The following RBFOX1 variants were observed in gnomAD, a reference collection of about 807,000 sequenced individuals.
The protein encoded by RBFOX1 is RNA binding protein fox-1 homolog 1.
In RBFOX1, 8 loss-of-function variants were observed where a neutral mutation model predicts 57.7. The observed-to-expected ratio is 0.14, with a 90% CI of 0.08 to 0.25. The LOEUF (loss-of-function observed/expected upper bound fraction) is 0.25. Among genes scored for constraint, RBFOX1 ranks in the 10% least tolerant of loss-of-function variants. The pLI, the probability that RBFOX1 is intolerant of heterozygous loss-of-function variation, is 1.00. For missense variants in RBFOX1, 611 were observed against 548.5 expected (o/e 1.11, Z -1.14); for synonymous variants, 326 against 222.4 (o/e 1.47, Z -4.15).
intron 1 of RBFOX1, among the ~76,000 whole-genome samples, chr16:5,356,224 AGGAG>A (rs2065384650): frequency 6.6e-6 from 1 of 152,206 alleles, no homozygotes; most frequent in Non-Finnish European, 1.5e-5. Context: ...ACCAGGAGCC[AGGAG>A]GGAGGCATGG....
rs1338080780 is a variant in RBFOX1, at chr16:5,946,395, A to G, written c.351+79060A>G. Among the ~76,000 whole-genome samples, 1 of 152,166 alleles carries G rather than the reference A, an allele frequency of 6.6e-6. No individual in the cohort carries two copies. The highest frequency in any genetic ancestry group is 2.1e-4 in the South Asian group (1 of 4,824). The stretch of plus-strand genomic sequence containing the variant: ...TCGTTTGCTCATGGATGTTTATCAA[A>G]CACCAACCAAGTGCCGGATGCACTA... On this transcript the variant is annotated intron_variant, in intron 4 of 19. Transcript: ENST00000641259. This position sits in a 1 kb window ranked among gnomAD's most constrained non-coding sequence, Gnocchi z 4.6.
In RBFOX1 at chr16:7,662,813, C is replaced by T. The variant is rs117219434; in HGVS notation, c.891-2116C>T. Among the ~76,000 whole-genome samples the T allele has an allele frequency of 4.1e-3, 630 of 152,334 alleles. 4 individuals carry two copies. Among genetic ancestry groups the T allele is most frequent in the Non-Finnish European group, 7.2e-3 (488 of 68,038 alleles). On this transcript the variant is annotated intron_variant, in intron 12 of 15. Coordinates refer to ENST00000550418, the MANE Select transcript of RBFOX1 (RefSeq NM_018723.4). Reference sequence around the variant, plus strand: ...CAAGCATTATCTTACGAAACCCTTTCTTGAGGTAGGCACTTACCTATTTTC... The same window carrying T: ...CAAGCATTATCTTACGAAACCCTTTTTTGAGGTAGGCACTTACCTATTTTC...
At chr16:6,829,490 A>AC (rs924136986) in intron 3 of RBFOX1, among the ~76,000 whole-genome samples, 163 of 151,334 alleles carry the variant, frequency 1.1e-3, no homozygotes, top group African/African-American at 3.7e-3. Flanking sequence ...TTAAAAAAAA[A>AC]AAAAACAAAA....
chr16:5,390,290 TC>T (rs1221480929), intron 1 of RBFOX1, among the ~76,000 whole-genome samples: 2 of 149,128 alleles, frequency 1.3e-5, no homozygotes, highest in African/African-American at 2.5e-5. Flanking sequence ...GTTTTTTTTT[TC>T]TTTTTTTTTT....
rs185401578 is a variant in RBFOX1, at chr16:5,827,022, C to T, written c.319-40281C>T. On this transcript the variant is annotated intron_variant, in intron 3 of 19. Transcript: ENST00000641259. ...CATCTCCCAGAGAAGCCTATCTCTT[C>T]GTTGGAGCATCCTTGACTCTACGAA... Among the ~76,000 whole-genome samples, 5 of 152,310 alleles carry T rather than the reference C, an allele frequency of 3.3e-5. No homozygotes were observed. The East Asian group carries it at 7.7e-4, about 24-fold the overall frequency.
intron 3 of RBFOX1, among the ~76,000 whole-genome samples, chr16:6,790,640 C>G (rs1033577892): frequency 3.3e-5 from 5 of 152,166 alleles, no homozygotes; most frequent in Non-Finnish European, 7.3e-5. Flanking sequence ...AGTTAGGACT[C>G]TGAGCTTCCT....
chr16:5,391,781 C>T (rs2066414912), intron 1 of RBFOX1, among the ~76,000 whole-genome samples: 1 of 151,552 alleles, frequency 6.6e-6, no homozygotes, highest in Non-Finnish European at 1.5e-5. Flanking sequence ...GACACATGCC[C>T]ATCAATTAAT....
chr16:6,343,047 C>G (rs1437624993), intron 2 of RBFOX1, among the ~76,000 whole-genome samples: 1 of 152,122 alleles, frequency 6.6e-6, no homozygotes, highest in East Asian at 1.9e-4. Flanking sequence ...AAGGATTTTA[C>G]TTTTAAATCC....
intron 3 of RBFOX1, among the ~76,000 whole-genome samples, chr16:5,732,449 C>G (rs930222959): frequency 6.6e-6 from 1 of 152,162 alleles, no homozygotes; most frequent in Non-Finnish European, 1.5e-5. Flanking sequence ...GAGATTCAAA[C>G]TGCAGAACAG....
intron 3 of RBFOX1, among the ~76,000 whole-genome samples, chr16:5,663,023 T>G (rs2049709149): frequency 6.6e-6 from 1 of 152,140 alleles, no homozygotes; most frequent in Non-Finnish European, 1.5e-5. Flanking sequence ...CAGAGGGCAG[T>G]TGGCAATGTC....
intron 3 of RBFOX1, among the ~76,000 whole-genome samples, chr16:6,938,171 C>A (rs187041915): frequency 4.6e-5 from 7 of 152,128 alleles, no homozygotes; most frequent in African/African-American, 1.7e-4. Context: ...AAACAAATTT[C>A]TGGATTTACT....
chr16:7,202,395 C>T lies in RBFOX1; in HGVS notation c.27+150297C>T, dbSNP rs149295198. Among the ~76,000 whole-genome samples, 169 of 151,168 alleles carry T rather than the reference C, an allele frequency of 1.1e-3. 1 individual carries two copies. Among genetic ancestry groups the T allele is most frequent in the African/African-American group, 3.9e-3 (162 of 41,180 alleles). On this transcript the variant is annotated intron_variant, in intron 4 of 15. Coordinates refer to ENST00000550418, the MANE Select transcript of RBFOX1 (RefSeq NM_018723.4). ...CTGTGGGTAGGAAGGTAAAATAGTA[C>T]AGGTGCTGTGGAAGACAGCATGGAG... is the stretch of plus-strand genomic sequence containing the variant.
At chr16:6,704,365 C>T (rs554947486) in intron 3 of RBFOX1, 1 of 152,288 alleles carries the variant, frequency 6.6e-6, no homozygotes, top group Non-Finnish European at 1.5e-5. Flanking sequence ...GGAGACGACC[C>T]TGCAGCCAAA....
intron 2 of RBFOX1, among the ~76,000 whole-genome samples, chr16:6,538,801 C>T (rs1362336): frequency 0.016 from 2,367 of 152,132 alleles, 62 homozygotes; most frequent in African/African-American, 0.047. Flanking sequence ...GTCTTGTTTG[C>T]TAATATGCGG....
chr16:6,096,330 G>T, intron 1 of RBFOX1, among the ~76,000 whole-genome samples: 1 of 151,996 alleles, frequency 6.6e-6, no homozygotes, highest in East Asian at 1.9e-4. Context: ...CAGGAAAATC[G>T]TTCCCCAGAT....
intron 2 of RBFOX1, among the ~76,000 whole-genome samples, chr16:6,354,080 C>G (rs1222300857): frequency 6.6e-6 from 1 of 151,998 alleles, no homozygotes; most frequent in Non-Finnish European, 1.5e-5. Flanking sequence ...ATTAGCCAGG[C>G]CTGGTGGCAT....
At chr16:7,090,054 G>A (rs528276584) in intron 4 of RBFOX1, among the ~76,000 whole-genome samples, 3 of 152,030 alleles carry the variant, frequency 2.0e-5, no homozygotes, top group Non-Finnish European at 2.9e-5. Flanking sequence ...TTAATGCAGA[G>A]GTTCTGCTCT....
chr16:7,182,521 T>C (rs2082923599), intron 4 of RBFOX1, among the ~76,000 whole-genome samples: 1 of 152,188 alleles, frequency 6.6e-6, no homozygotes, highest in Non-Finnish European at 1.5e-5. Context: ...TGGTGAACTG[T>C]TGTTATAGAA....
At chr16:6,595,585 AT>A (rs2097769206) in intron 2 of RBFOX1, among the ~76,000 whole-genome samples, 1 of 152,142 alleles carries the variant, frequency 6.6e-6, no homozygotes. Flanking sequence ...TACAAGTGGA[AT>A]TTCTGGGTCA....
Sources: gnomAD v4.1 joint callset for allele counts (sites outside exome capture counted in the v4.1 genomes callset) on GRCh38, gnomAD v4.1.1 for gene constraint, Gnocchi (gnomAD v3.1) non-coding constraint, MANE v1.5 for transcripts, NCBI Gene and HGNC (gene_info 2026-07-23, HGNC 2026-07-21) for gene names.